Variants in FAM171A2 observed in about 807,000 individuals in gnomAD.
FAM171A2 encodes protein FAM171A2.
A neutral mutation model predicts 34.2 loss-of-function variants in FAM171A2; 13 were observed. The ratio of observed to expected loss-of-function variants is 0.38; its 90% CI spans 0.25 to 0.60. The LOEUF is 0.60. Among genes scored for constraint, FAM171A2 ranks in the 20% least tolerant of loss-of-function variants. The probability of loss-of-function intolerance (pLI) is 0.62; values close to 1 mark genes in which losing one functional copy is unlikely to be tolerated. For synonymous variants in FAM171A2, 475 were observed against 561.2 expected (o/e 0.85, Z 2.17); for missense variants, 950 against 1,180.7 (o/e 0.80, Z 2.86).
chr17:44,361,807 G>A (rs2048448925), intron 1 of FAM171A2, among the ~76,000 whole-genome samples: 1 of 152,132 alleles, frequency 6.6e-6, no homozygotes, highest in Non-Finnish European at 1.5e-5. Context: ...GAGGTTAAGT[G>A]GCATGGGGTG....
chr17:44,353,615 T>G lies in FAM171A2; in HGVS notation c.*118A>C, dbSNP rs2048401543. The stretch of plus-strand genomic sequence containing the variant: ...AACCACGGAACAGCTCCAAGGCCCC[T>G]GGGCCCCTCTCCGGCCTGGGGCTGG... On this transcript the variant is annotated 3_prime_UTR_variant, in exon 8 of 8. Transcript: ENST00000293443. The G allele has an allele frequency of 1.3e-6, 1 of 762,684 alleles. No homozygotes were observed. The highest frequency in any genetic ancestry group is 1.7e-6 in the Non-Finnish European group (1 of 579,912). 47.2% of individuals were successfully genotyped at this position (762,684 alleles called of 1,614,324 possible). A position where few individuals can be genotyped will look rare whatever the true frequency, so the allele number is the denominator to read the frequency against.
Position 44,363,214 on chromosome 17 carries a change from G to A in FAM171A2, c.118+383C>T, listed in dbSNP as rs369288501. ...CCCCCACCCCGCCAGGGTCGGGAGC[G>A]AGCAACCCGCAGGGGGCTGCGGAGC... On this transcript the variant is annotated intron_variant, in intron 1 of 7. Coordinates refer to ENST00000293443, the MANE Select transcript of FAM171A2 (RefSeq NM_198475.3). Among the ~76,000 whole-genome samples, 74 of 152,090 alleles carry A rather than the reference G, an allele frequency of 4.9e-4. 1 individual carries two copies. The highest frequency in any genetic ancestry group is 1.6e-3 in the African/African-American group (66 of 41,504).
chr17:44,356,502 G>A lies in FAM171A2; in HGVS notation c.526C>T (p.Leu176Phe). The A allele has an allele frequency of 6.4e-7, 1 of 1,550,728 alleles. No homozygotes were observed. Among genetic ancestry groups the A allele is most frequent in the Non-Finnish European group, 8.7e-7 (1 of 1,146,960 alleles). ...SSTYSQLWASLTPASTQQEMR... is the reference protein window; with the variant it reads ...SSTYSQLWASFTPASTQQEMR... ...TCCTGCTGGGTGCTGGCAGGCGTAA[G>A]TGACGCCCAGAGCTGGCTGTAGGTG... is the stretch of plus-strand genomic sequence containing the variant. The change falls in exon 4 of 8, where the codon CTT becomes TTT. Residue 176 changes from leucine (L) to phenylalanine (F), a missense_variant. Leu to Phe is a conservative substitution (Grantham distance 22). This residue lies in a region of FAM171A2 where 752 missense variants were observed against 924.5 expected (regional missense o/e 0.81). Transcript: ENST00000293443.
chr17:44,356,565 GCAC>G lies in FAM171A2; in HGVS notation c.460_462del (p.Val154del). ...AGGCGGGCAGCCCGGCGCTGGAACT[GCAC>G]CAAGGGCTGGGAGCGGGCACCTGGA... is the stretch of plus-strand genomic sequence containing the variant. On this transcript the variant is annotated inframe_deletion, in exon 4 of 8. Coordinates refer to ENST00000293443, the MANE Select transcript of FAM171A2 (RefSeq NM_198475.3). 1 of 1,546,718 alleles carries G rather than the reference GCAC, an allele frequency of 6.5e-7. No individual in the cohort carries two copies.
In FAM171A2 at chr17:44,355,195, G is replaced by A. The variant is rs908218217; in HGVS notation, c.1023-4C>T. The A allele has an allele frequency of 8.4e-6, 13 of 1,550,442 alleles. No individual in the cohort carries two copies. Among genetic ancestry groups the A allele is most frequent in the Admixed American group, 2.0e-5 (1 of 50,964 alleles). ...CCTCGGCTTCAGGCAGCGCCTCCTG[G>A]AAGGGAGGGAGCAGAAGGGGCCGCT... On this transcript the variant is annotated splice_polypyrimidine_tract_variant and splice_region_variant and intron_variant, in intron 7 of 7. Coordinates refer to ENST00000293443, the MANE Select transcript of FAM171A2 (RefSeq NM_198475.3). The surrounding 1 kb of genome is among the most constrained non-coding windows in gnomAD (Gnocchi z 4.1).
rs1428359239 is a variant in FAM171A2 at position 44,355,995 on chromosome 17, C to T, written c.858G>A (p.Leu286=). The T allele has an allele frequency of 1.9e-5, 29 of 1,547,236 alleles. No homozygotes were observed. The East Asian group carries it at 6.4e-4, about 34-fold the overall frequency. Residue 286 remains leucine (L), a synonymous_variant, in exon 6 of 8, where the codon CTG becomes CTA. Coordinates refer to ENST00000293443, the MANE Select transcript of FAM171A2 (RefSeq NM_198475.3). This position sits in a 1 kb window ranked among gnomAD's most constrained non-coding sequence, Gnocchi z 4.1. Reference sequence around the variant, plus strand: ...AGGCCATGGCGGCCACCCAGTACCCCAGCTGGGGGGAGACGAAGGTCCAGT... The same window carrying T: ...AGGCCATGGCGGCCACCCAGTACCCTAGCTGGGGGGAGACGAAGGTCCAGT... ...QLYWTFVSPQ[L]GYWVAAMASP...
At chr17:44,360,783 G>A (rs1332279903) in intron 1 of FAM171A2, among the ~76,000 whole-genome samples, 1 of 152,080 alleles carries the variant, frequency 6.6e-6, no homozygotes, top group Non-Finnish European at 1.5e-5. Flanking sequence ...AATTGACAGG[G>A]GACACTAGGA....
At position 44,353,666 on chromosome 17, in the gene FAM171A2, G is replaced by GC; in HGVS notation, c.*66dup. The GC allele has an allele frequency of 8.6e-7, 1 of 1,165,956 alleles. No homozygotes were observed. Among genetic ancestry groups the GC allele is most frequent in the Non-Finnish European group, 1.1e-6 (1 of 941,348 alleles). 72.2% of individuals were successfully genotyped at this position (1,165,956 alleles called of 1,614,324 possible). ...GAGCTACGCGCGAGGGCCCCCGCGG[G>GC]CCCCCGGGGCGCGCACCCTGGGTGC... On this transcript the variant is annotated 3_prime_UTR_variant, in exon 8 of 8. Transcript: ENST00000293443.
chr17:44,363,228 G>C (rs1418464577), intron 1 of FAM171A2, among the ~76,000 whole-genome samples: 1 of 152,070 alleles, frequency 6.6e-6, no homozygotes, highest in African/African-American at 2.4e-5. Context: ...AACCCGCAGG[G>C]GGCTGCGGAG....
At position 44,354,798 on chromosome 17, in the gene FAM171A2, G is replaced by C. The variant is rs2048413102; in HGVS notation, c.1416C>G (p.His472Gln). 6.2e-6 allele frequency: 8 copies of C among 1,293,502 alleles called. No individual in the cohort carries two copies. The highest frequency in any genetic ancestry group is 4.5e-5 in the South Asian group (2 of 44,648). The allele number at this position is 1,293,502 out of a possible 1,614,324, so 80.1% of individuals were successfully genotyped here. A position where few individuals can be genotyped will look rare whatever the true frequency, so the allele number is the denominator to read the frequency against. The change falls in exon 8 of 8, where the codon CAC (histidine) becomes CAG (glutamine). Residue 472 changes from histidine to glutamine, a missense_variant. Around this residue, in one of 3 missense-constraint regions of FAM171A2, gnomAD observed 752 missense variants for 924.5 expected, o/e 0.81. Transcript: ENST00000293443. The surrounding 1 kb of genome is among the most constrained non-coding windows in gnomAD (Gnocchi z 5.8). ...AGGGCGGCGGCGGCGAGGGCGGCTC[G>C]TGCAGGAAGGCCGCAGCCCCCGAGG... The part of the protein sequence containing the change: ...RGPSGAAAFL[H>Q]EPPSPPPPFD...
chr17:44,359,444 A>G, intron 3 of FAM171A2, 135 bp downstream of exon 3: 1 of 709,092 alleles, frequency 1.4e-6, no homozygotes, highest in Admixed American at 2.6e-5. Flanking sequence ...TCCACGTCTT[A>G]CAAATGAGCA....
chr17:44,358,758 G>C (rs1375728788), intron 3 of FAM171A2, among the ~76,000 whole-genome samples: 1 of 152,018 alleles, frequency 6.6e-6, no homozygotes, highest in Non-Finnish European at 1.5e-5. Context: ...CTACAAACTG[G>C]GATGGGGTTC....
Position 44,354,620 on chromosome 17 carries a change from C to G in FAM171A2, c.1594G>C (p.Val532Leu), listed in dbSNP as rs911307101. ...AGGGTGGGCATGACGTTGCGGTAGA[C>G]GTTGTCCTTGAGGTGGTCGATGGAG... is the stretch of plus-strand genomic sequence containing the variant. ...CGSIDHLKDNVYRNVMPTLVI... is the reference protein window; with the variant it reads ...CGSIDHLKDNLYRNVMPTLVI... Residue 532 changes from valine to leucine, a missense_variant, in exon 8 of 8, where the codon GTC becomes CTC. Around this residue, in one of 3 missense-constraint regions of FAM171A2, gnomAD observed 752 missense variants for 924.5 expected, o/e 0.81. Transcript: ENST00000293443. This position sits in a 1 kb window ranked among gnomAD's most constrained non-coding sequence, Gnocchi z 5.8. 93 of 1,272,204 alleles carry G rather than the reference C, an allele frequency of 7.3e-5. No individual in the cohort carries two copies. Among genetic ancestry groups the G allele is most frequent in the Non-Finnish European group, 8.5e-5 (86 of 1,006,660 alleles). 78.8% of individuals were successfully genotyped at this position (1,272,204 alleles called of 1,614,324 possible).
At chr17:44,359,528 C>T (rs376418156) in intron 3 of FAM171A2, 51 bp downstream of exon 3, 31 of 1,475,732 alleles carry the variant, frequency 2.1e-5, no homozygotes, top group African/African-American at 2.8e-5. Flanking sequence ...GGTCTCTACA[C>T]CTAGGTCAGG....
intron 3 of FAM171A2, chr17:44,359,344 A>G (rs1204025939): frequency 5.5e-6 from 3 of 549,058 alleles, no homozygotes; most frequent in African/African-American, 1.9e-5. Context: ...AGAAGCCCCG[A>G]TAACTGTAAA....
chr17:44,360,590 C>G (rs1434722602), intron 1 of FAM171A2, among the ~76,000 whole-genome samples: 2 of 151,454 alleles, frequency 1.3e-5, no homozygotes, highest in Non-Finnish European at 2.9e-5. Context: ...ATCTGGGATC[C>G]AGACCTGGCA....
Position 44,354,415 on chromosome 17 carries a change from CCGCCCCCGCCGCCCT to C in FAM171A2, c.1784_1798del (p.Glu595_Gly599del), listed in dbSNP as rs1184712905. On this transcript the variant is annotated inframe_deletion, in exon 8 of 8. Transcript: ENST00000293443. The surrounding 1 kb of genome is among the most constrained non-coding windows in gnomAD (Gnocchi z 5.8). The stretch of plus-strand genomic sequence containing the variant: ...GCGCCCGGCCCCCCAGCCCTCGCCG[CCGCCCCCGCCGCCCT>C]CGCCCCCCGGGCCCGAGTGGCCCGG... 1 of 1,157,934 alleles carries C rather than the reference CCGCCCCCGCCGCCCT, an allele frequency of 8.6e-7. No homozygotes were observed. The highest frequency in any genetic ancestry group is 1.1e-6 in the Non-Finnish European group (1 of 936,276). The allele number at this position is 1,157,934 out of a possible 1,614,324, so 71.7% of individuals were successfully genotyped here.
intron 1 of FAM171A2, among the ~76,000 whole-genome samples, chr17:44,360,931 C>A (rs535024866): frequency 1.2e-4 from 18 of 152,358 alleles, no homozygotes; most frequent in African/African-American, 3.8e-4. Flanking sequence ...AACCGCCTGC[C>A]CCCTCCCAGC....
intron 2 of FAM171A2, 71 bp downstream of exon 2, chr17:44,359,834 G>A: frequency 6.9e-7 from 1 of 1,452,070 alleles, no homozygotes; most frequent in Non-Finnish European, 9.3e-7. Flanking sequence ...CACCCCCAAG[G>A]AGACTATTTT....
Sources: allele counts gnomAD v4.1 joint callset (sites outside exome capture counted in the v4.1 genomes callset), GRCh38; gene constraint gnomAD v4.1.1; regional missense constraint gnomAD v4.1.1; non-coding constraint Gnocchi (gnomAD v3.1); transcripts MANE v1.5; gene names NCBI Gene and HGNC (gene_info 2026-07-23, HGNC 2026-07-21).